AVPI1: variants seen among roughly 807,000 people sequenced by gnomAD.
AVPI1 encodes arginine vasopressin induced 1.
AVPI1 carries 9 observed loss-of-function variants against 11.9 expected under a neutral mutation model. The ratio of observed to expected loss-of-function variants is 0.76; its 90% confidence interval spans 0.46 to 1.32. The LOEUF is 1.32. Ranked by LOEUF, AVPI1 falls within the 40% of genes most tolerant of loss-of-function variation. The pLI, the probability that AVPI1 is intolerant of heterozygous loss-of-function variation, is 0.00. For missense variants in AVPI1, 207 were observed against 195.8 expected (o/e 1.06, Z -0.34); for synonymous variants, 68 against 78.1 (o/e 0.87, Z 0.68).
intron 1 of AVPI1, among the ~76,000 whole-genome samples, chr10:97,683,283 G>A (rs1276893521): frequency 2.0e-5 from 3 of 151,996 alleles, no homozygotes; most frequent in Non-Finnish European, 2.9e-5. Context: ...TCAGCCTCCC[G>A]AATAGCTGGG....
At chr10:97,683,824 C>G (rs2041716193) in intron 1 of AVPI1, among the ~76,000 whole-genome samples, 1 of 152,262 alleles carries the variant, frequency 6.6e-6, no homozygotes, top group Non-Finnish European at 1.5e-5. Flanking sequence ...CTGCCACTCA[C>G]TGGCTGAAAA....
Position 97,679,746 on chromosome 10 carries a change from G to T in AVPI1, c.160C>A (p.Arg54=). Residue 54 remains arginine (R), a synonymous_variant, in exon 2 of 3, where the codon CGG becomes AGG. Coordinates refer to ENST00000370626, the MANE Select transcript of AVPI1 (RefSeq NM_021732.3). ...GCACATTCCCAGATGATCTGTGCCC[G>T]TTCCTCGGCCAGCTGGTCCCCGCTG... The part of the protein sequence containing the change: ...QRSGDQLAEE[R]AQIIWECAGD... 1 of 1,614,102 alleles carries T rather than the reference G, an allele frequency of 6.2e-7. No homozygotes were observed. The highest frequency in any genetic ancestry group is 1.1e-5 in the South Asian group (1 of 91,074).
In AVPI1 at chr10:97,678,040, T is replaced by A. The variant is rs1301771389; in HGVS notation, c.288-15A>T. 1 of 1,610,582 alleles carries A rather than the reference T, an allele frequency of 6.2e-7. No homozygotes were observed. Among genetic ancestry groups the A allele is most frequent in the Non-Finnish European group, 8.5e-7 (1 of 1,177,722 alleles). Reference sequence around the variant, plus strand: ...GCTCCAGGATTCTGCAGAGAACAAGTGTATGATTAGCCAACATCAATAGGA... The same window carrying A: ...GCTCCAGGATTCTGCAGAGAACAAGAGTATGATTAGCCAACATCAATAGGA... On this transcript the variant is annotated splice_polypyrimidine_tract_variant and intron_variant, in intron 2 of 2. Coordinates refer to ENST00000370626, the MANE Select transcript of AVPI1 (RefSeq NM_021732.3).
chr10:97,683,450 C>A (rs536407807), intron 1 of AVPI1, among the ~76,000 whole-genome samples: 1 of 152,224 alleles, frequency 6.6e-6, no homozygotes, highest in Admixed American at 6.5e-5. Context: ...TGAGCCACTG[C>A]GCCCGGTCAG....
At chr10:97,682,795 T>C (rs968706399) in intron 1 of AVPI1, among the ~76,000 whole-genome samples, 6 of 152,202 alleles carry the variant, frequency 3.9e-5, no homozygotes, top group Admixed American at 3.9e-4. Context: ...GAAAATTGTA[T>C]TTTATTTGGA....
At chr10:97,678,875 GGGA>G (rs905415286) in intron 2 of AVPI1, among the ~76,000 whole-genome samples, 1 of 141,894 alleles carries the variant, frequency 7.0e-6, no homozygotes, top group Non-Finnish European at 1.5e-5. Flanking sequence ...TTTTGGCGGG[GGGA>G]GGGTGTGTGT....
intron 1 of AVPI1, among the ~76,000 whole-genome samples, chr10:97,680,272 G>T (rs548374729): frequency 9.9e-5 from 15 of 152,208 alleles, no homozygotes; most frequent in Non-Finnish European, 2.2e-4. Context: ...AGGATGCCCA[G>T]TAGCAGCTCA....
Position 97,677,719 on chromosome 10 carries a change from C to T in AVPI1, c.*150G>A. ...TAATGGAGAGCTCAACAGAAGCATC[C>T]AGTCTTGTTCTGAATGGAGCAGGTC... On this transcript the variant is annotated 3_prime_UTR_variant, in exon 3 of 3. Coordinates refer to ENST00000370626, the MANE Select transcript of AVPI1 (RefSeq NM_021732.3). 1 of 865,096 alleles carries T rather than the reference C, an allele frequency of 1.2e-6. No individual in the cohort carries two copies. Among genetic ancestry groups the T allele is most frequent in the Non-Finnish European group, 1.8e-6 (1 of 570,380 alleles). The allele number at this position is 865,096 out of a possible 1,614,324, so 53.6% of individuals were successfully genotyped here. A position where few individuals can be genotyped will look rare whatever the true frequency, so the allele number is the denominator to read the frequency against.
intron 1 of AVPI1, among the ~76,000 whole-genome samples, chr10:97,680,271 A>G (rs1432091243): frequency 1.3e-5 from 2 of 152,222 alleles, no homozygotes; most frequent in African/African-American, 4.8e-5. Context: ...CAGGATGCCC[A>G]GTAGCAGCTC....
intron 2 of AVPI1, among the ~76,000 whole-genome samples, chr10:97,678,686 A>T (rs116024467): frequency 0.34 from 41,566 of 121,664 alleles, 7,321 homozygotes; most frequent in African/African-American, 0.59. Flanking sequence ...ATTAGGCTTA[A>T]AAAAAAAAAA....
At chr10:97,681,396 A>G (rs2135771326) in intron 1 of AVPI1, among the ~76,000 whole-genome samples, 1 of 152,158 alleles carries the variant, frequency 6.6e-6, no homozygotes, top group South Asian at 2.1e-4. Flanking sequence ...CAGCCTGACC[A>G]ACATTGAGAA....
chr10:97,680,485 G>A (rs2041698313), intron 1 of AVPI1, among the ~76,000 whole-genome samples: 1 of 152,192 alleles, frequency 6.6e-6, no homozygotes, highest in Non-Finnish European at 1.5e-5. Flanking sequence ...AGGCCCAGGT[G>A]CCGTAGCACA....
intron 1 of AVPI1, among the ~76,000 whole-genome samples, chr10:97,680,908 T>C (rs2041700349): frequency 6.6e-6 from 1 of 152,170 alleles, no homozygotes; most frequent in Admixed American, 6.5e-5. Flanking sequence ...ATAAGAAAGT[T>C]CAATAGAAGT....
Position 97,678,999 on chromosome 10 carries a change from G to GTT in AVPI1, c.287+618_287+619dup, listed in dbSNP as rs1313750617. ...TGTGTGTGTGTGTGTGTGTGTGTGT[G>GTT]TTTTCAGAGACAGGATCTCGCCATG... On this transcript the variant is annotated intron_variant, in intron 2 of 2. Coordinates refer to ENST00000370626, the MANE Select transcript of AVPI1 (RefSeq NM_021732.3). Among the ~76,000 whole-genome samples the GTT allele has an allele frequency of 5.3e-4, 75 of 142,272 alleles. 1 individual carries two copies. The highest frequency in any genetic ancestry group is 1.7e-3 in the Admixed American group (24 of 13,728). The allele number at this position is 142,272 out of a possible 152,430, so 93.3% of individuals were successfully genotyped here.
At chr10:97,678,438 G>A (rs955274620) in intron 2 of AVPI1, among the ~76,000 whole-genome samples, 1 of 152,170 alleles carries the variant, frequency 6.6e-6, no homozygotes, top group Non-Finnish European at 1.5e-5. Context: ...CCCAGAGAAG[G>A]CAGCAGAGAG....
intron 1 of AVPI1, among the ~76,000 whole-genome samples, chr10:97,682,682 G>C (rs888888432): frequency 2.6e-5 from 4 of 151,784 alleles, no homozygotes; most frequent in Non-Finnish European, 5.9e-5. Flanking sequence ...TGCTCACTCT[G>C]TCCCAGTTTC....
At chr10:97,681,548 C>T (rs1446073783) in intron 1 of AVPI1, among the ~76,000 whole-genome samples, 2 of 149,028 alleles carry the variant, frequency 1.3e-5, no homozygotes. Context: ...CGCCATTGCA[C>T]TCCAGCCTGG....
intron 1 of AVPI1, among the ~76,000 whole-genome samples, chr10:97,685,561 ATCAG>A (rs2041724689): frequency 6.6e-6 from 1 of 152,130 alleles, no homozygotes; most frequent in Non-Finnish European, 1.5e-5. Flanking sequence ...AATCTCTGTA[ATCAG>A]GGGCCTAGGG....
chr10:97,677,582 C>T lies in AVPI1; in HGVS notation c.*287G>A, dbSNP rs2041671791. ...TGAAATGCTGCATCTAAGTGCCTGT[C>T]ACTTTGCTCCCAGGGGAATATCATG... On this transcript the variant is annotated 3_prime_UTR_variant, in exon 3 of 3. Transcript: ENST00000370626. The T allele has an allele frequency of 2.8e-6, 1 of 353,874 alleles. No individual in the cohort carries two copies. Among genetic ancestry groups the T allele is most frequent in the Non-Finnish European group, 5.2e-6 (1 of 191,748 alleles). The allele number at this position is 353,874 out of a possible 1,614,324, so 21.9% of individuals were successfully genotyped here.
Sources: allele counts gnomAD v4.1 joint callset (sites outside exome capture counted in the v4.1 genomes callset), GRCh38; gene constraint gnomAD v4.1.1; transcripts MANE v1.5; gene names NCBI Gene and HGNC (gene_info 2026-07-23, HGNC 2026-07-21).